The following RBFOX1 variants were observed in gnomAD, a reference collection of about 807,000 sequenced individuals.
The protein encoded by RBFOX1 is RNA binding protein fox-1 homolog 1.
In RBFOX1, 8 loss-of-function variants were observed where a neutral mutation model predicts 57.7. The ratio of observed to expected loss-of-function variants is 0.14; its 90% CI spans 0.08 to 0.25. The LOEUF (loss-of-function observed/expected upper bound fraction) is 0.25. Among genes scored for constraint, RBFOX1 ranks in the 10% least tolerant of loss-of-function variants. The pLI, the probability that RBFOX1 is intolerant of heterozygous loss-of-function variation, is 1.00. For synonymous variants in RBFOX1, 326 were observed against 222.4 expected (o/e 1.47, Z -4.15); for missense variants, 611 against 548.5 (o/e 1.11, Z -1.14).
chr16:6,199,909 A>T (rs1018040030), intron 1 of RBFOX1, among the ~76,000 whole-genome samples: 4 of 152,176 alleles, frequency 2.6e-5, no homozygotes, highest in African/African-American at 9.7e-5. Context: ...TATGTCCTGG[A>T]CTGTGCGAAC....
At chr16:6,898,587 C>T (rs993944942) in intron 3 of RBFOX1, among the ~76,000 whole-genome samples, 2 of 152,076 alleles carry the variant, frequency 1.3e-5, no homozygotes, top group Non-Finnish European at 2.9e-5. Flanking sequence ...CTTCTCATGT[C>T]CGTGGGAGTA....
chr16:7,234,937 T>C (rs2093694877), intron 4 of RBFOX1, among the ~76,000 whole-genome samples: 1 of 152,106 alleles, frequency 6.6e-6, no homozygotes, highest in Non-Finnish European at 1.5e-5. Flanking sequence ...TACTGTAGAC[T>C]TGCTTTTATG....
intron 3 of RBFOX1, among the ~76,000 whole-genome samples, chr16:6,877,639 T>G (rs1220384517): frequency 1.3e-5 from 2 of 152,174 alleles, no homozygotes; most frequent in Non-Finnish European, 2.9e-5. Flanking sequence ...TCACAAAGCA[T>G]TTTTACGGAC....
intron 4 of RBFOX1, among the ~76,000 whole-genome samples, chr16:5,917,745 C>T (rs2058740012): frequency 6.6e-6 from 1 of 152,192 alleles, no homozygotes; most frequent in African/African-American, 2.4e-5. Context: ...CACGTGATCC[C>T]TCAAATGTAT....
intron 4 of RBFOX1, among the ~76,000 whole-genome samples, chr16:7,099,444 G>A (rs1420751343): frequency 6.6e-6 from 1 of 152,162 alleles, no homozygotes; most frequent in African/African-American, 2.4e-5. Context: ...ACCATATTTA[G>A]TGTCTAGCTG....
chr16:6,913,751 A>G (rs1017077265), intron 3 of RBFOX1, among the ~76,000 whole-genome samples: 2 of 152,102 alleles, frequency 1.3e-5, no homozygotes, highest in Non-Finnish European at 2.9e-5. Context: ...CTGGGCAGCC[A>G]GCGGTTAAGT....
intron 2 of RBFOX1, among the ~76,000 whole-genome samples, chr16:6,539,381 C>A (rs149297473): frequency 2.0e-5 from 3 of 152,276 alleles, no homozygotes; most frequent in African/African-American, 7.2e-5. Context: ...AGCGTAGCAT[C>A]TGGCACACAG....
At chr16:6,301,794 C>T (rs2078852174) in intron 1 of RBFOX1, among the ~76,000 whole-genome samples, 1 of 152,110 alleles carries the variant, frequency 6.6e-6, no homozygotes, top group African/African-American at 2.4e-5. Context: ...AAACATGAGG[C>T]TTTACCTATT....
At chr16:7,482,414 C>G (rs535877905) in intron 4 of RBFOX1, among the ~76,000 whole-genome samples, 2 of 152,208 alleles carry the variant, frequency 1.3e-5, no homozygotes, top group East Asian at 1.9e-4. Flanking sequence ...CCAGCTGTAG[C>G]CTTATTCCTG....
At position 7,612,279 on chromosome 16, in the gene RBFOX1, C is replaced by G. The variant is rs1263887121; in HGVS notation, c.676+4941C>G. Among the ~76,000 whole-genome samples the G allele has an allele frequency of 3.4e-5, 5 of 145,936 alleles. No individual in the cohort carries two copies. In the South Asian group the frequency reaches 6.5e-4, roughly 19 times the overall value. On this transcript the variant is annotated intron_variant, in intron 10 of 15. Transcript: ENST00000550418. ...GAGCTTGCAGTGAGCCCAGATCGCG[C>G]CACTGCACTCCAGCCTGGGTAACAG...
Position 6,585,373 on chromosome 16 carries a change from A to G in RBFOX1, c.-63-69230A>G, listed in dbSNP as rs2097594050. On this transcript the variant is annotated intron_variant, in intron 2 of 15. Coordinates refer to ENST00000550418, the MANE Select transcript of RBFOX1 (RefSeq NM_018723.4). ...CTGTTATAGTCTCCAAAACTTTGAA[A>G]TCATCTCTTCTTGACTTTTACTTCG... Among the ~76,000 whole-genome samples the G allele has an allele frequency of 1.3e-5, 2 of 152,150 alleles. 1 individual carries two copies. The highest frequency in any genetic ancestry group is 2.9e-5 in the Non-Finnish European group (2 of 68,022).
chr16:6,690,671 A>G (rs140534421), intron 3 of RBFOX1, among the ~76,000 whole-genome samples: 300 of 152,088 alleles, frequency 2.0e-3, no homozygotes, highest in African/African-American at 6.9e-3. Context: ...TTAGTCGATT[A>G]TAGTACAGTA....
At chr16:5,979,630 G>A (rs1187148591) in intron 4 of RBFOX1, among the ~76,000 whole-genome samples, 1 of 152,188 alleles carries the variant, frequency 6.6e-6, no homozygotes, top group Non-Finnish European at 1.5e-5. Flanking sequence ...TTGGGAGTAC[G>A]ACGCAGATGG....
At chr16:5,887,977 C>G (rs116726685) in intron 4 of RBFOX1, among the ~76,000 whole-genome samples, 1 of 152,180 alleles carries the variant, frequency 6.6e-6, no homozygotes, top group African/African-American at 2.4e-5. Flanking sequence ...ACAAGACGAG[C>G]AAGGTCCTGC....
At chr16:6,259,958 C>CA (rs57516778) in intron 1 of RBFOX1, among the ~76,000 whole-genome samples, 2,017 of 69,830 alleles carry the variant, frequency 0.029, 25 homozygotes, top group Middle Eastern at 0.073. Context: ...GAGACTGTCT[C>CA]AAAAAAAAAA....
intron 3 of RBFOX1, among the ~76,000 whole-genome samples, chr16:6,835,156 C>G (rs188385929): frequency 6.6e-6 from 1 of 152,076 alleles, no homozygotes; most frequent in Non-Finnish European, 1.5e-5. Context: ...CCACCTCGGC[C>G]TCCCACAGTG....
Position 5,490,422 on chromosome 16 carries a change from G to C in RBFOX1, c.258+23168G>C, listed in dbSNP as rs115411563. 3.3e-3 allele frequency among the ~76,000 whole-genome samples: 506 copies of C among 152,362 alleles called. 1 individual carries two copies. Among genetic ancestry groups the C allele is most frequent in the African/African-American group, 0.011 (465 of 41,594 alleles). On this transcript the variant is annotated intron_variant, in intron 2 of 2. Coordinates refer to the RBFOX1 transcript ENST00000585867. ...TGAACCCAGGTTCCTCCTATTCATA[G>C]CTGCAACTTGACCTTCTGTAGGTGC...
chr16:5,972,702 C>T (rs1730001853), intron 4 of RBFOX1, among the ~76,000 whole-genome samples: 1 of 152,164 alleles, frequency 6.6e-6, no homozygotes, highest in Admixed American at 6.5e-5. Flanking sequence ...CAGGACCTGC[C>T]TGCCTCATGG....
intron 2 of RBFOX1, among the ~76,000 whole-genome samples, chr16:6,450,765 G>GTATA (rs1303973736): frequency 5.1e-5 from 1 of 19,442 alleles, no homozygotes; most frequent in Non-Finnish European, 8.9e-5. Flanking sequence ...ATATATATAT[G>GTATA]TGTATATATA....
Sources: allele counts gnomAD v4.1 joint callset (sites outside exome capture counted in the v4.1 genomes callset), GRCh38; gene constraint gnomAD v4.1.1; transcripts MANE v1.5; gene names NCBI Gene and HGNC (gene_info 2026-07-23, HGNC 2026-07-21).